P2RY10: variants seen among roughly 807,000 people sequenced by gnomAD.
The protein encoded by P2RY10 is putative P2Y purinoceptor 10.
A neutral mutation model predicts 12.1 loss-of-function variants in P2RY10; 4 were observed. The observed-to-expected ratio is 0.33, with a 90% CI of 0.16 to 0.76. The LOEUF is 0.76. P2RY10 is among the 30% of genes least tolerant of loss of function. P2RY10 has a pLI of 0.61. For missense variants in P2RY10, 233 were observed against 264.6 expected, an observed-to-expected ratio of 0.88 and a Z score of 0.83; for synonymous variants, 112 against 94.1, an observed-to-expected ratio of 1.19 and a Z score of -1.10.
At chrX:78,953,703 G>A (rs1922209266) in intron 3 of P2RY10, among the ~76,000 whole-genome samples, 2 of 111,345 alleles carry the variant, frequency 1.8e-5, no homozygotes, top group Non-Finnish European at 3.8e-5. Context: ...GTTTAGCACT[G>A]AAAATACTAT....
intron 3 of P2RY10, among the ~76,000 whole-genome samples, chrX:78,955,195 C>T (rs747077764): frequency 9.0e-6 from 1 of 111,690 alleles, no homozygotes; most frequent in African/African-American, 3.3e-5. Flanking sequence ...ATTCTCATCA[C>T]CTGTGCCATT....
At position 78,963,004 on chromosome X, in the gene P2RY10, A is replaced by G. The variant is rs767056822; in HGVS notation, c.*1464A>G. 1.5e-4 allele frequency among the ~76,000 whole-genome samples: 17 copies of G among 112,472 alleles called. No individual in the cohort carries two copies. Among genetic ancestry groups the G allele is most frequent in the African/African-American group, 4.8e-4 (15 of 31,037 alleles). ...GAGAAAAGTGTGTGTCCTCTTTCTG[A>G]CAATCTTTTTATCTTATTTTTTTCA... On this transcript the variant is annotated 3_prime_UTR_variant, in exon 4 of 4. Coordinates refer to ENST00000171757, the MANE Select transcript of P2RY10 (RefSeq NM_014499.4).
At position 78,962,299 on chromosome X, in the gene P2RY10, C is replaced by A. The variant is rs762616089; in HGVS notation, c.*759C>A. On this transcript the variant is annotated 3_prime_UTR_variant, in exon 4 of 4. Coordinates refer to ENST00000171757, the MANE Select transcript of P2RY10 (RefSeq NM_014499.4). Reference sequence around the variant, plus strand: ...CCCTCGCCCCCTTCCCACTCTTCCACACATAACATCTCATCTTGCCCTCCT... The same window carrying A: ...CCCTCGCCCCCTTCCCACTCTTCCAAACATAACATCTCATCTTGCCCTCCT... Among the ~76,000 whole-genome samples, 7 of 111,281 alleles carry A rather than the reference C, an allele frequency of 6.3e-5. No homozygotes were observed. The highest frequency in any genetic ancestry group is 2.3e-4 in the African/African-American group (7 of 30,575).
At position 78,961,109 on chromosome X, in the gene P2RY10, G is replaced by C; in HGVS notation, c.589G>C (p.Gly197Arg). The C allele has an allele frequency of 8.3e-7, 1 of 1,210,898 alleles. No homozygotes were observed. The highest frequency in any genetic ancestry group is 1.1e-6 in the Non-Finnish European group (1 of 895,025). Residue 197 changes from glycine (G) to arginine (R), a missense_variant, in exon 4 of 4, where the codon GGG (glycine) becomes CGG (arginine). Coordinates refer to ENST00000171757, the MANE Select transcript of P2RY10 (RefSeq NM_014499.4). The part of the protein sequence containing the change: ...YKQMNAVALV[G>R]MITVAELAGF... ...GCAAATGAATGCAGTTGCGTTGGTC[G>C]GGATGATTACAGTTGCTGAGCTTGC...
At chrX:78,958,249 C>A (rs1050180517) in intron 3 of P2RY10, among the ~76,000 whole-genome samples, 1 of 112,630 alleles carries the variant, frequency 8.9e-6, no homozygotes, top group Non-Finnish European at 1.9e-5. Context: ...ACAGTGAAAT[C>A]GAAATAATGT....
intron 3 of P2RY10, 115 bp downstream of exon 3, chrX:78,952,450 G>A (rs1922147545): frequency 3.2e-6 from 1 of 313,599 alleles, no homozygotes. Flanking sequence ...GAGGTTGTGG[G>A]GACATGTATG....
At chrX:78,959,647 T>C (rs1337339612) in intron 3 of P2RY10, among the ~76,000 whole-genome samples, 2 of 111,827 alleles carry the variant, frequency 1.8e-5, no homozygotes, top group East Asian at 5.6e-4. Context: ...ATGGTTTCAG[T>C]GGCCCTGTTT....
chrX:78,950,577 A>G (rs747328463), intron 2 of P2RY10, among the ~76,000 whole-genome samples: 1 of 111,550 alleles, frequency 9.0e-6, no homozygotes, highest in African/African-American at 3.3e-5. Context: ...CAGATTTGTT[A>G]TAATTTGAAT....
chrX:78,952,572 G>A (rs2742214), intron 3 of P2RY10, among the ~76,000 whole-genome samples: 2,003 of 111,623 alleles, frequency 0.018, 37 homozygotes, highest in African/African-American at 0.062. Flanking sequence ...AATAAGGTGC[G>A]TAGACAAGAA....
intron 3 of P2RY10, among the ~76,000 whole-genome samples, chrX:78,954,206 G>T (rs981869688): frequency 9.0e-6 from 1 of 111,117 alleles, no homozygotes; most frequent in Non-Finnish European, 1.9e-5. Context: ...CAAGTATGAT[G>T]ATATCGCATC....
At chrX:78,949,537 C>G (rs191849473) in intron 2 of P2RY10, among the ~76,000 whole-genome samples, 14 of 111,826 alleles carry the variant, frequency 1.3e-4, no homozygotes, top group Non-Finnish European at 9.4e-5. Flanking sequence ...TTATTTCCAC[C>G]CATAAAATGC....
At chrX:78,960,460 A>G in intron 3 of P2RY10, 48 bp from the exon 4 acceptor site, 1 of 991,061 alleles carries the variant, frequency 1.0e-6, no homozygotes, top group Non-Finnish European at 1.4e-6. Context: ...GTGTTAACTA[A>G]AGAACTAATT....
chrX:78,963,231 T>C lies in P2RY10; in HGVS notation c.*1691T>C, dbSNP rs1190594461. On this transcript the variant is annotated 3_prime_UTR_variant, in exon 4 of 4. Coordinates refer to ENST00000171757, the MANE Select transcript of P2RY10 (RefSeq NM_014499.4). ...AATATTCATTTGAACAGAGTGACTA[T>C]GGAAGAATGAATAGCAAAAAAAGGA... Among the ~76,000 whole-genome samples, 1 of 112,163 alleles carries C rather than the reference T, an allele frequency of 8.9e-6. No individual in the cohort carries two copies. The highest frequency in any genetic ancestry group is 3.2e-5 in the African/African-American group (1 of 30,880).
At chrX:78,956,508 G>A (rs1213065773) in intron 3 of P2RY10, among the ~76,000 whole-genome samples, 1 of 110,887 alleles carries the variant, frequency 9.0e-6, no homozygotes, top group Non-Finnish European at 1.9e-5. Flanking sequence ...GCTATATGGT[G>A]ATGAAAAAAG....
chrX:78,950,875 CACTT>C lies in P2RY10; in HGVS notation c.-156-1314_-156-1311del, dbSNP rs760503189. On this transcript the variant is annotated intron_variant, in intron 2 of 3. Coordinates refer to ENST00000171757, the MANE Select transcript of P2RY10 (RefSeq NM_014499.4). The stretch of plus-strand genomic sequence containing the variant: ...AATCATAACTCTGACTGCAGAAAGT[CACTT>C]ACTCCTGCTGAGACTCCATTTTCTA... 8.0e-5 allele frequency among the ~76,000 whole-genome samples: 9 copies of C among 112,039 alleles called. No individual in the cohort carries two copies. In the South Asian group the frequency reaches 3.3e-3, roughly 42 times the overall value.
At position 78,960,997 on chromosome X, in the gene P2RY10, T is replaced by A; in HGVS notation, c.477T>A (p.Val159=). The A allele has an allele frequency of 8.3e-7, 1 of 1,211,564 alleles. No individual in the cohort carries two copies. The highest frequency in any genetic ancestry group is 1.1e-6 in the Non-Finnish European group (1 of 895,278). Residue 159 remains valine (V), a synonymous_variant, in exon 4 of 4, where the codon GTT becomes GTA. Coordinates refer to ENST00000171757, the MANE Select transcript of P2RY10 (RefSeq NM_014499.4). ...DVGISAAIWI[V]VGTACLPFPI... ...GCATCAGTGCTGCCATCTGGATCGT[T>A]GTGGGGACTGCCTGTTTGCCATTTC...
intron 1 of P2RY10, among the ~76,000 whole-genome samples, chrX:78,946,134 T>C (rs1211642062): frequency 9.0e-6 from 1 of 111,046 alleles, no homozygotes; most frequent in African/African-American, 3.3e-5. Context: ...TTTAAACTCA[T>C]GTTTGCCTTT....
intron 3 of P2RY10, among the ~76,000 whole-genome samples, chrX:78,960,153 G>A (rs1289266932): frequency 8.9e-6 from 1 of 112,189 alleles, no homozygotes; most frequent in Non-Finnish European, 1.9e-5. Flanking sequence ...ATTCTAACCA[G>A]GGCTTTGGAC....
chrX:78,951,505 C>A (rs752928449), intron 2 of P2RY10, among the ~76,000 whole-genome samples: 1 of 111,361 alleles, frequency 9.0e-6, no homozygotes, highest in Non-Finnish European at 1.9e-5. Flanking sequence ...TGTAGTCTTA[C>A]CTTCTCACAG....
Sources: gnomAD v4.1 joint callset for allele counts (sites outside exome capture counted in the v4.1 genomes callset) on GRCh38, gnomAD v4.1.1 for gene constraint, MANE v1.5 for transcripts, NCBI Gene and HGNC (gene_info 2026-07-23, HGNC 2026-07-21) for gene names.